The following MARCHF6 variants were observed in gnomAD, a reference collection of about 807,000 sequenced individuals.
MARCHF6 encodes the protein membrane associated ring-CH-type finger 6.
In MARCHF6, 31 loss-of-function variants were observed where a neutral mutation model predicts 133.7. The observed-to-expected ratio is 0.23, with a 90% confidence interval of 0.17 to 0.31. The LOEUF is 0.31. Among genes scored for constraint, MARCHF6 ranks in the 10% least tolerant of loss-of-function variants. MARCHF6 has a pLI of 1.00. For synonymous variants in MARCHF6, 395 were observed against 402.5 expected, an observed-to-expected ratio of 0.98 and a Z score of 0.22; for missense variants, 723 against 1,121.6, an observed-to-expected ratio of 0.64 and a Z score of 5.08.
chr5:10,400,997 A>T (rs1367173738), intron 11 of MARCHF6, 155 bp downstream of exon 11: 2 of 602,344 alleles, frequency 3.3e-6, no homozygotes, highest in Non-Finnish European at 5.7e-6. Flanking sequence ...AAAAAAAATA[A>T]CAGTGGCTCA....
intron 1 of MARCHF6, among the ~76,000 whole-genome samples, chr5:10,374,949 A>G (rs922570257): frequency 2.0e-5 from 3 of 152,182 alleles, no homozygotes; most frequent in Non-Finnish European, 2.9e-5. Flanking sequence ...GTGGGGGTGC[A>G]TGGCTTTTCT....
At chr5:10,387,585 G>A (rs1345553531) in intron 5 of MARCHF6, among the ~76,000 whole-genome samples, 5 of 152,192 alleles carry the variant, frequency 3.3e-5, no homozygotes, top group Admixed American at 6.5e-5. Flanking sequence ...TTACAGGCGT[G>A]AGCCACCGCG....
intron 1 of MARCHF6, among the ~76,000 whole-genome samples, chr5:10,356,377 A>AT (rs1230635140): frequency 7.3e-6 from 1 of 136,468 alleles, no homozygotes; most frequent in African/African-American, 2.7e-5. Context: ...ATTTTATTTT[A>AT]TTTTATTTTA....
intron 1 of MARCHF6, among the ~76,000 whole-genome samples, chr5:10,375,551 C>T (rs373001814): frequency 2.6e-5 from 4 of 152,372 alleles, no homozygotes; most frequent in Non-Finnish European, 4.4e-5. Context: ...CAGCGCATGG[C>T]GCGGGACTGG....
intron 5 of MARCHF6, 70 bp from the exon 6 acceptor site, chr5:10,390,249 TTAGTATAAGAAAA>T: frequency 8.9e-7 from 1 of 1,122,802 alleles, no homozygotes; most frequent in Non-Finnish European, 1.3e-6. Context: ...TTCTGAGACT[TTAGTATAAGAAAA>T]TTTTTTACCT....
At chr5:10,386,886 T>G in intron 4 of MARCHF6, 108 bp from the exon 5 acceptor site, 1 of 775,102 alleles carries the variant, frequency 1.3e-6, no homozygotes, top group Non-Finnish European at 2.3e-6. Context: ...ACTAAATGTT[T>G]ATTTCAGTGG....
In MARCHF6 at chr5:10,395,282, T is replaced by TA. The variant is rs533442429; in HGVS notation, c.861+500dup. 3.8e-3 allele frequency among the ~76,000 whole-genome samples: 582 copies of TA among 152,360 alleles called. 3 individuals are homozygous for TA. Among genetic ancestry groups the TA allele is most frequent in the Admixed American group, 0.01 (156 of 15,306 alleles). On this transcript the variant is annotated intron_variant, in intron 9 of 25. Coordinates refer to ENST00000274140, the MANE Select transcript of MARCHF6 (RefSeq NM_005885.4). ...AAAGGTAATATTTTTAAAAAATTGT[T>TA]AAATATTTGATTTTTAGCAAAGAAA...
intron 1 of MARCHF6, among the ~76,000 whole-genome samples, chr5:10,362,757 A>C (rs1468772610): frequency 9.2e-5 from 14 of 152,198 alleles, no homozygotes; most frequent in Admixed American, 9.2e-4. Context: ...TACTATGTCA[A>C]AACTTGACAA....
chr5:10,403,929 T>C (rs1738708473), intron 15 of MARCHF6, among the ~76,000 whole-genome samples: 1 of 152,170 alleles, frequency 6.6e-6, no homozygotes, highest in Admixed American at 6.5e-5. Flanking sequence ...GGATATGGTT[T>C]TGCAGGATCA....
In MARCHF6 at chr5:10,415,467, T is replaced by A. The variant is rs377402876; in HGVS notation, c.1967-21T>A. ...TCTTTACCTAGCCACATGTCTCATT[T>A]ATCAGCTTTTCTATTTTCAGTATTT... On this transcript the variant is annotated intron_variant, in intron 20 of 25. Coordinates refer to ENST00000274140, the MANE Select transcript of MARCHF6 (RefSeq NM_005885.4). The A allele has an allele frequency of 3.1e-6, 5 of 1,602,380 alleles. No homozygotes were observed. In the African/African-American group the frequency reaches 6.7e-5, roughly 21 times the overall value.
intron 10 of MARCHF6, among the ~76,000 whole-genome samples, chr5:10,398,902 AC>A (rs1394496096): frequency 2.6e-5 from 4 of 151,982 alleles, no homozygotes; most frequent in Non-Finnish European, 5.9e-5. Flanking sequence ...GGGATTAAAC[AC>A]CCTCCTGTTT....
At chr5:10,384,942 T>G (rs1286908392) in intron 4 of MARCHF6, among the ~76,000 whole-genome samples, 1 of 152,010 alleles carries the variant, frequency 6.6e-6, no homozygotes. Context: ...AAAACTGATA[T>G]CAGTCAAATG....
intron 11 of MARCHF6, chr5:10,401,674 A>C: frequency 4.2e-6 from 1 of 239,984 alleles, no homozygotes; most frequent in Non-Finnish European, 8.0e-6. Flanking sequence ...GGTGGCTAGG[A>C]TATTACCCAG....
rs1370097526 is a variant in MARCHF6, at chr5:10,415,551, C to T, written c.2030C>T (p.Thr677Ile). 1 of 1,614,060 alleles carries T rather than the reference C, an allele frequency of 6.2e-7. No individual in the cohort carries two copies. Among genetic ancestry groups the T allele is most frequent in the Non-Finnish European group, 8.5e-7 (1 of 1,180,030 alleles). Reference protein sequence around the residue: ...TGTAKIHELYTAACGLYVCWL... With the variant: ...TGTAKIHELYIAACGLYVCWL... ...ACTGCCAAAATCCATGAGCTCTACA[C>T]AGCTGCTTGTGGTCTCTATGTTTGC... The change falls in exon 21 of 26, where the codon ACA becomes ATA. Residue 677 changes from threonine to isoleucine, a missense_variant. Coordinates refer to ENST00000274140, the MANE Select transcript of MARCHF6 (RefSeq NM_005885.4).
chr5:10,395,853 A>G (rs1579575157), intron 9 of MARCHF6, among the ~76,000 whole-genome samples: 1 of 152,190 alleles, frequency 6.6e-6, no homozygotes, highest in East Asian at 1.9e-4. Context: ...GCAGTTGTGT[A>G]GGTTTTTAGG....
chr5:10,378,615 AAAGTT>A, intron 2 of MARCHF6, 139 bp from the exon 3 acceptor site: 1 of 559,144 alleles, frequency 1.8e-6, no homozygotes, highest in Non-Finnish European at 3.1e-6. Flanking sequence ...GCAGTTACAA[AAAGTT>A]AAGAATATTC....
rs1740534581 is a variant in MARCHF6, at chr5:10,434,965, G to A, written c.*1281G>A. On this transcript the variant is annotated 3_prime_UTR_variant, in exon 26 of 26. Coordinates refer to ENST00000274140, the MANE Select transcript of MARCHF6 (RefSeq NM_005885.4). Reference sequence around the variant, plus strand: ...GTTTTCCCTCATAACCAAAGCTTCAGGTTAGAAGTTTAGAAAAATAGAATG... The same window carrying A: ...GTTTTCCCTCATAACCAAAGCTTCAAGTTAGAAGTTTAGAAAAATAGAATG... 6.6e-6 allele frequency: 1 copy of A among 152,592 alleles called. No individual in the cohort carries two copies. Among genetic ancestry groups the A allele is most frequent in the Admixed American group, 6.5e-5 (1 of 15,270 alleles). 9.5% of individuals were successfully genotyped at this position (152,592 alleles called of 1,614,324 possible).
intron 19 of MARCHF6, among the ~76,000 whole-genome samples, 179 bp from the exon 20 acceptor site, chr5:10,414,254 A>G (rs1739384990): frequency 6.6e-6 from 1 of 152,042 alleles, no homozygotes; most frequent in Admixed American, 6.5e-5. Context: ...ACTTATTTTC[A>G]TTTTGGCCTA....
intron 1 of MARCHF6, 94 bp from the exon 2 acceptor site, chr5:10,377,700 TCTTG>T: frequency 1.4e-6 from 1 of 711,004 alleles, no homozygotes; most frequent in South Asian, 1.7e-5. Context: ...AGTGATAGAT[TCTTG>T]CTTTAATGTC....
Sources: gnomAD v4.1 joint callset for allele counts (sites outside exome capture counted in the v4.1 genomes callset) on GRCh38, gnomAD v4.1.1 for gene constraint, MANE v1.5 for transcripts, NCBI Gene and HGNC (gene_info 2026-07-23, HGNC 2026-07-21) for gene names.